Variants in THRB observed in about 807,000 individuals in gnomAD.
THRB encodes the protein thyroid hormone receptor beta.
In THRB, 12 loss-of-function variants were observed where a neutral mutation model predicts 47.8. The observed-to-expected ratio is 0.25, with a 90% CI of 0.16 to 0.41. The LOEUF is 0.41. Ranked by LOEUF, THRB falls within the 10% of genes least tolerant of loss-of-function variation. The pLI, the probability that THRB is intolerant of heterozygous loss-of-function variation, is 1.00. For synonymous variants in THRB, 218 were observed against 212.2 expected, an observed-to-expected ratio of 1.03 and a Z score of -0.24; for missense variants, 348 against 589.2, an observed-to-expected ratio of 0.59 and a Z score of 4.24.
chr3:24,377,197 G>A (rs141723745), intron 1 of THRB, among the ~76,000 whole-genome samples: 231 of 151,948 alleles, frequency 1.5e-3, no homozygotes, highest in African/African-American at 5.4e-3. Context: ...CTCCTGCCTC[G>A]GCCTCCCTGT....
At chr3:24,316,376 CT>C (rs1390055806) in intron 2 of THRB, among the ~76,000 whole-genome samples, 1 of 151,814 alleles carries the variant, frequency 6.6e-6, no homozygotes, top group Non-Finnish European at 1.5e-5. Context: ...CCTTTCCTTC[CT>C]TTTTTCTCTT....
chr3:24,298,265 T>G (rs1022094633), intron 2 of THRB, among the ~76,000 whole-genome samples: 8 of 152,232 alleles, frequency 5.3e-5, no homozygotes, highest in African/African-American at 1.9e-4. Flanking sequence ...ATTGTGTCAC[T>G]GGCACCCAGA....
At chr3:24,472,298 T>C (rs1037034298) in intron 1 of THRB, among the ~76,000 whole-genome samples, 1 of 152,156 alleles carries the variant, frequency 6.6e-6, no homozygotes, top group Non-Finnish European at 1.5e-5. Context: ...AATCTACTCT[T>C]CATTCCAGAG....
intron 1 of THRB, among the ~76,000 whole-genome samples, chr3:24,370,285 T>TGGTATG (rs2064809691): frequency 6.6e-6 from 1 of 152,110 alleles, no homozygotes; most frequent in Admixed American, 6.6e-5. Flanking sequence ...ATCCTGCCCA[T>TGGTATG]GGTATGTCAC....
intron 3 of THRB, among the ~76,000 whole-genome samples, chr3:24,294,384 A>T (rs914048748): frequency 1.3e-5 from 2 of 152,230 alleles, no homozygotes; most frequent in African/African-American, 4.8e-5. Context: ...ACTAAGTTTT[A>T]GAGTGATTTG....
intron 1 of THRB, among the ~76,000 whole-genome samples, chr3:24,401,102 C>G (rs1010371059): frequency 6.6e-6 from 1 of 151,836 alleles, no homozygotes; most frequent in Non-Finnish European, 1.5e-5. Flanking sequence ...AAAACACAAA[C>G]GAGCTTTTAA....
chr3:24,310,772 C>T (rs895631279), intron 2 of THRB, among the ~76,000 whole-genome samples: 2 of 152,018 alleles, frequency 1.3e-5, no homozygotes, highest in Non-Finnish European at 2.9e-5. Flanking sequence ...GGGTAGAGGC[C>T]AGAGATGCTG....
At chr3:24,475,948 A>T (rs1695389597) in intron 1 of THRB, among the ~76,000 whole-genome samples, 1 of 152,186 alleles carries the variant, frequency 6.6e-6, no homozygotes, top group African/African-American at 2.4e-5. Flanking sequence ...TCTCAAGTAA[A>T]CAATCATTTC....
chr3:24,481,897 G>C (rs1462081463), intron 1 of THRB, among the ~76,000 whole-genome samples: 1 of 150,998 alleles, frequency 6.6e-6, no homozygotes, highest in Non-Finnish European at 1.5e-5. Context: ...ATCCTGAGCA[G>C]GTAAGTGAGT....
intron 4 of THRB, among the ~76,000 whole-genome samples, chr3:24,221,916 C>G (rs1700933): frequency 0.24 from 36,633 of 151,998 alleles, 5,973 homozygotes; most frequent in African/African-American, 0.43. Context: ...GGAAGTTAAA[C>G]AGGAGGGATG....
intron 3 of THRB, among the ~76,000 whole-genome samples, chr3:24,271,805 T>G (rs1440438682): frequency 6.6e-6 from 1 of 152,058 alleles, no homozygotes; most frequent in South Asian, 2.1e-4. Flanking sequence ...AATAATTAAT[T>G]TAATAGTCAG....
At chr3:24,331,597 T>C (rs1209656381) in intron 2 of THRB, among the ~76,000 whole-genome samples, 1 of 152,132 alleles carries the variant, frequency 6.6e-6, no homozygotes, top group Non-Finnish European at 1.5e-5. Flanking sequence ...TACATTGTTG[T>C]TTTTGTTTTA....
At chr3:24,201,167 G>A (rs2044546916) in intron 4 of THRB, among the ~76,000 whole-genome samples, 1 of 151,946 alleles carries the variant, frequency 6.6e-6, no homozygotes, top group Admixed American at 6.6e-5. Context: ...AGCAGGTAGG[G>A]TTTTGACTGT....
chr3:24,372,664 T>C (rs1016123221), intron 1 of THRB, among the ~76,000 whole-genome samples: 2 of 152,098 alleles, frequency 1.3e-5, no homozygotes, highest in Admixed American at 1.3e-4. Flanking sequence ...TAATATCTTC[T>C]AGCCAAAGGT....
At chr3:24,442,966 A>AG (rs2071694949) in intron 1 of THRB, among the ~76,000 whole-genome samples, 1 of 139,546 alleles carries the variant, frequency 7.2e-6, no homozygotes, top group African/African-American at 2.5e-5. Context: ...GTGGATCACT[A>AG]GGTCAGGAGA....
chr3:24,275,637 G>T (rs962829746), intron 3 of THRB, among the ~76,000 whole-genome samples: 2 of 152,200 alleles, frequency 1.3e-5, no homozygotes, highest in Admixed American at 6.5e-5. Flanking sequence ...TGAGCGAGAT[G>T]AAAATGTGTA....
At chr3:24,205,425 A>G (rs1195621528) in intron 4 of THRB, among the ~76,000 whole-genome samples, 1 of 152,206 alleles carries the variant, frequency 6.6e-6, no homozygotes, top group East Asian at 1.9e-4. Flanking sequence ...AGGAGAAATA[A>G]AATCCTTTAC....
At chr3:24,193,068 TG>T (rs1342267825) in intron 4 of THRB, among the ~76,000 whole-genome samples, 1 of 152,196 alleles carries the variant, frequency 6.6e-6, no homozygotes, top group African/African-American at 2.4e-5. Context: ...CCCATGACAC[TG>T]GGGTCCTTGA....
At chr3:24,367,163 G>C in intron 1 of THRB, among the ~76,000 whole-genome samples, 1 of 152,182 alleles carries the variant, frequency 6.6e-6, no homozygotes. Flanking sequence ...GCATAGGCTG[G>C]AAGCAGGACG....
Sources: gnomAD v4.1 joint callset for allele counts (sites outside exome capture counted in the v4.1 genomes callset) on GRCh38, gnomAD v4.1.1 for gene constraint, MANE v1.5 for transcripts, NCBI Gene and HGNC (gene_info 2026-07-23, HGNC 2026-07-21) for gene names.